Variants in GALNT14 observed in about 807,000 individuals in gnomAD.
GALNT14 encodes UDP-GalNAc:polypeptide N-acetylgalactosaminyltransferase 14.
In GALNT14, 60 loss-of-function variants were observed where a neutral mutation model predicts 77.5. The observed-to-expected ratio is 0.77, with a 90% CI of 0.63 to 0.96. The LOEUF (loss-of-function observed/expected upper bound fraction) is 0.96, where lower values mean the gene tolerates loss of function less well. Among genes scored for constraint, GALNT14 ranks in the 40% least tolerant of loss-of-function variants. The pLI is 0.00. For synonymous variants in GALNT14, 280 were observed against 281.7 expected (o/e 0.99, Z 0.06); for missense variants, 710 against 731.0 (o/e 0.97, Z 0.33).
intron 8 of GALNT14, among the ~76,000 whole-genome samples, chr2:30,942,588 G>C (rs1319426583): frequency 1.3e-5 from 2 of 152,168 alleles, no homozygotes; most frequent in African/African-American, 4.8e-5. Context: ...CTCCCATGGG[G>C]ACACAGGGCT....
chr2:30,950,453 A>G (rs950569279), intron 6 of GALNT14, among the ~76,000 whole-genome samples: 5 of 152,172 alleles, frequency 3.3e-5, no homozygotes, highest in African/African-American at 7.2e-5. Flanking sequence ...CCAAACTCCA[A>G]TTACAGCTTA....
At chr2:31,110,489 G>A (rs539565502) in intron 1 of GALNT14, among the ~76,000 whole-genome samples, 160 of 152,294 alleles carry the variant, frequency 1.1e-3, no homozygotes, top group African/African-American at 3.7e-3. Context: ...ACCAAGCATG[G>A]TGCTGGCTTG....
the GALNT14 span, among the ~76,000 whole-genome samples, chr2:30,902,024 C>A: frequency 1.3e-5 from 2 of 152,162 alleles, no homozygotes; most frequent in Non-Finnish European, 2.9e-5. Context: ...AGGTTACTAC[C>A]TTTTGGCATT....
At chr2:30,944,187 C>A (rs953932080) in intron 8 of GALNT14, among the ~76,000 whole-genome samples, 1 of 152,176 alleles carries the variant, frequency 6.6e-6, no homozygotes, top group African/African-American at 2.4e-5. Flanking sequence ...GACCATCACT[C>A]TTGAAGCTGA....
intron 1 of GALNT14, among the ~76,000 whole-genome samples, chr2:31,011,017 T>TGGCATA (rs1431901354): frequency 6.6e-6 from 1 of 152,190 alleles, no homozygotes; most frequent in Non-Finnish European, 1.5e-5. Context: ...AGGCAAGCCT[T>TGGCATA]GGCCTAGGCC....
At chr2:31,114,676 C>A in intron 1 of GALNT14, 2 of 688,904 alleles carry the variant, frequency 2.9e-6, no homozygotes, top group Non-Finnish European at 5.4e-6. Flanking sequence ...AACAATAATC[C>A]CAGAAGGGGA....
intron 13 of GALNT14, among the ~76,000 whole-genome samples, chr2:30,922,452 G>T (rs758867526): frequency 8.5e-5 from 13 of 152,178 alleles, no homozygotes; most frequent in Non-Finnish European, 1.6e-4. Context: ...TTTCTGTCCA[G>T]CCTCACCGTC....
intron 1 of GALNT14, among the ~76,000 whole-genome samples, chr2:30,996,588 G>A (rs578139295): frequency 1.3e-5 from 2 of 152,362 alleles, no homozygotes; most frequent in South Asian, 4.1e-4. Context: ...CCAGATAGAG[G>A]CATGGGCCCA....
At chr2:30,915,277 A>C (rs1664609808) in intron 13 of GALNT14, among the ~76,000 whole-genome samples, 1 of 152,152 alleles carries the variant, frequency 6.6e-6, no homozygotes, top group African/African-American at 2.4e-5. Context: ...TTCAGGAAGA[A>C]ATGCATTTGG....
intron 1 of GALNT14, among the ~76,000 whole-genome samples, chr2:31,098,015 A>T (rs1677084662): frequency 6.6e-6 from 1 of 152,156 alleles, no homozygotes; most frequent in Non-Finnish European, 1.5e-5. Context: ...CTACTTGATC[A>T]GAACTTCTCA....
chr2:31,132,806 A>G, intron 1 of GALNT14: 1 of 460,098 alleles, frequency 2.2e-6, no homozygotes, highest in East Asian at 7.0e-5. Context: ...ATTAGCCATA[A>G]GATTAAAAAT....
chr2:30,932,313 GTC>G, intron 9 of GALNT14, 119 bp from the exon 10 acceptor site: 1 of 949,420 alleles, frequency 1.1e-6, no homozygotes, highest in Non-Finnish European at 1.5e-6. Flanking sequence ...TCTGCAGCCA[GTC>G]TGTAGGCTCC....
chr2:31,016,022 G>A (rs2148450715), intron 1 of GALNT14, among the ~76,000 whole-genome samples: 1 of 152,302 alleles, frequency 6.6e-6, no homozygotes, highest in African/African-American at 2.4e-5. Flanking sequence ...TGCAGCAGCA[G>A]GGCCTAGAGT....
chr2:30,896,612 G>C, the GALNT14 span, among the ~76,000 whole-genome samples: 2 of 152,306 alleles, frequency 1.3e-5, no homozygotes, highest in Middle Eastern at 3.4e-3. Context: ...AGCAAGCACT[G>C]TATAAGTGGT....
At chr2:31,004,811 A>G (rs2148428007) in intron 1 of GALNT14, among the ~76,000 whole-genome samples, 1 of 152,328 alleles carries the variant, frequency 6.6e-6, no homozygotes, top group East Asian at 1.9e-4. Context: ...ACTGCAAAGG[A>G]CTGGAACATA....
chr2:31,138,013 C>G lies in GALNT14; in HGVS notation c.74G>C (p.Trp25Ser). Reference sequence around the variant, plus strand: ...CACCTCCAACTTCCTCTTGGTTACCCAGAAGAACAGCAGCACCGTGATCCA... The same window carrying G: ...CACCTCCAACTTCCTCTTGGTTACCGAGAAGAACAGCAGCACCGTGATCCA... ...VLWITVLLFF[W>S]VTKRKLEVPT... The change falls in exon 1 of 15, where the codon TGG becomes TCG. Residue 25 changes from tryptophan (W) to serine (S), a missense_variant. Coordinates refer to ENST00000349752, the MANE Select transcript of GALNT14 (RefSeq NM_024572.4). The G allele has an allele frequency of 6.2e-7, 1 of 1,613,832 alleles. No individual in the cohort carries two copies. The highest frequency in any genetic ancestry group is 8.5e-7 in the Non-Finnish European group (1 of 1,179,802).
At chr2:31,057,393 T>TACACACAC (rs1399111740) in intron 1 of GALNT14, among the ~76,000 whole-genome samples, 1 of 138,340 alleles carries the variant, frequency 7.2e-6, no homozygotes, top group African/African-American at 2.7e-5. Flanking sequence ...TATATATATA[T>TACACACAC]ACACAGCTGT....
intron 4 of GALNT14, among the ~76,000 whole-genome samples, chr2:30,956,841 CT>C (rs776635457): frequency 6.6e-6 from 1 of 152,234 alleles, no homozygotes; most frequent in Non-Finnish European, 1.5e-5. Context: ...ATTCAAAGCA[CT>C]GGTCAATTTA....
chr2:31,123,090 G>C (rs961163438), intron 1 of GALNT14, among the ~76,000 whole-genome samples: 1 of 150,778 alleles, frequency 6.6e-6, no homozygotes, highest in Non-Finnish European at 1.5e-5. Context: ...GCTGAGGTAG[G>C]AGGACGGCAT....
Sources: allele counts gnomAD v4.1 joint callset (sites outside exome capture counted in the v4.1 genomes callset), GRCh38; gene constraint gnomAD v4.1.1; transcripts MANE v1.5; gene names NCBI Gene and HGNC (gene_info 2026-07-23, HGNC 2026-07-21).